Variants in AGBL1 observed in about 807,000 individuals in gnomAD.
AGBL1 encodes the protein AGBL carboxypeptidase 1.
A neutral mutation model predicts 118.9 loss-of-function variants in AGBL1; 130 were observed. That is an observed-to-expected ratio of 1.09 (90% confidence interval 0.95 to 1.26). The LOEUF is 1.26. Ranked by LOEUF, AGBL1 falls within the 50% of genes most tolerant of loss-of-function variation. The pLI, the probability that AGBL1 is intolerant of heterozygous loss-of-function variation, is 0.00. For missense variants in AGBL1, 1,584 were observed against 1,298.1 expected, an observed-to-expected ratio of 1.22 and a Z score of -3.38; for synonymous variants, 555 against 478.9, an observed-to-expected ratio of 1.16 and a Z score of -2.08.
intron 21 of AGBL1, among the ~76,000 whole-genome samples, chr15:86,649,031 A>G (rs1374938208): frequency 6.6e-6 from 1 of 152,150 alleles, no homozygotes; most frequent in Non-Finnish European, 1.5e-5. Context: ...GAGAAATGAT[A>G]CCATGTTTGA....
At chr15:86,627,744 G>A (rs1055759679) in intron 21 of AGBL1, among the ~76,000 whole-genome samples, 6 of 152,216 alleles carry the variant, frequency 3.9e-5, no homozygotes, top group Non-Finnish European at 5.9e-5. Flanking sequence ...GGAAGGAAGA[G>A]AGAGTTCCTT....
At chr15:86,887,239 A>G (rs987111777) in intron 22 of AGBL1, among the ~76,000 whole-genome samples, 13 of 152,272 alleles carry the variant, frequency 8.5e-5, no homozygotes, top group Middle Eastern at 6.8e-3. Flanking sequence ...ATCTATGCAT[A>G]TATCTATTTA....
At chr15:86,837,038 G>A (rs1386857234) in intron 22 of AGBL1, among the ~76,000 whole-genome samples, 2 of 152,014 alleles carry the variant, frequency 1.3e-5, no homozygotes, top group African/African-American at 2.4e-5. Context: ...CCTAGAAAAG[G>A]GCTTGGAAGA....
At chr15:86,470,054 C>T (rs2082459362) in intron 18 of AGBL1, among the ~76,000 whole-genome samples, 1 of 152,152 alleles carries the variant, frequency 6.6e-6, no homozygotes, top group South Asian at 2.1e-4. Flanking sequence ...GTTTCCTCTG[C>T]TGTGCAGAAG....
chr15:86,823,331 C>A (rs2078966776), intron 22 of AGBL1, among the ~76,000 whole-genome samples: 1 of 152,140 alleles, frequency 6.6e-6, no homozygotes, highest in South Asian at 2.1e-4. Flanking sequence ...CTTTAATCCC[C>A]AAATTCTCTT....
intron 21 of AGBL1, among the ~76,000 whole-genome samples, chr15:86,596,883 T>C (rs2084415363): frequency 6.8e-6 from 1 of 147,998 alleles, no homozygotes; most frequent in East Asian, 1.9e-4. Flanking sequence ...ATATTTATTA[T>C]TTATTGCCTG....
chr15:86,491,571 G>A (rs772101947), intron 18 of AGBL1, among the ~76,000 whole-genome samples: 3 of 152,064 alleles, frequency 2.0e-5, no homozygotes, highest in Non-Finnish European at 4.4e-5. Context: ...AATTCTTACA[G>A]CTTCCAGGAA....
intron 22 of AGBL1, among the ~76,000 whole-genome samples, chr15:86,783,176 C>G (rs912303151): frequency 6.6e-6 from 1 of 152,220 alleles, no homozygotes; most frequent in Non-Finnish European, 1.5e-5. Context: ...CCCCTGCTTT[C>G]CATGTCCCCG....
intron 22 of AGBL1, among the ~76,000 whole-genome samples, chr15:86,795,799 T>C (rs1299064398): frequency 6.6e-6 from 1 of 151,560 alleles, no homozygotes; most frequent in Non-Finnish European, 1.5e-5. Flanking sequence ...TTGGCCAGGC[T>C]GGTCTTAAAC....
At chr15:86,183,730 C>T (rs769772988) in intron 5 of AGBL1, among the ~76,000 whole-genome samples, 3 of 152,156 alleles carry the variant, frequency 2.0e-5, no homozygotes, top group Non-Finnish European at 4.4e-5. Flanking sequence ...AATAAAATCA[C>T]ATTTTATGTG....
At chr15:86,711,808 A>G (rs560391851) in intron 22 of AGBL1, among the ~76,000 whole-genome samples, 12 of 152,330 alleles carry the variant, frequency 7.9e-5, no homozygotes, top group Non-Finnish European at 1.5e-4. Context: ...AATATTTACT[A>G]TCTGGCACTT....
At chr15:86,219,498 A>C (rs2141912941) in intron 5 of AGBL1, among the ~76,000 whole-genome samples, 1 of 152,328 alleles carries the variant, frequency 6.6e-6, no homozygotes. Flanking sequence ...AGAGAGATCA[A>C]GTAAACCCAG....
intron 21 of AGBL1, among the ~76,000 whole-genome samples, chr15:86,674,002 C>CAT (rs959305316): frequency 6.6e-6 from 1 of 152,062 alleles, no homozygotes; most frequent in African/African-American, 2.4e-5. Flanking sequence ...CCTGGATCTC[C>CAT]ATATATCCCC....
intron 23 of AGBL1, among the ~76,000 whole-genome samples, chr15:86,929,313 C>T (rs2080579618): frequency 6.6e-6 from 1 of 152,152 alleles, no homozygotes. Flanking sequence ...AAGGTCTGCC[C>T]TTTGTGGCTC....
At chr15:86,304,418 GT>G (rs1478360381) in intron 17 of AGBL1, among the ~76,000 whole-genome samples, 1 of 152,078 alleles carries the variant, frequency 6.6e-6, no homozygotes, top group African/African-American at 2.4e-5. Context: ...ATCTAATGTT[GT>G]TCCCCTACTC....
chr15:86,359,958 T>C (rs1026973120), intron 17 of AGBL1, among the ~76,000 whole-genome samples: 1 of 152,022 alleles, frequency 6.6e-6, no homozygotes, highest in African/African-American at 2.4e-5. Context: ...TTTAGGGTTT[T>C]CTACATATAT....
At chr15:86,840,203 GGTT>G (rs1567201183) in intron 22 of AGBL1, among the ~76,000 whole-genome samples, 1 of 152,102 alleles carries the variant, frequency 6.6e-6, no homozygotes, top group African/African-American at 2.4e-5. Context: ...ACAGAATTTT[GGTT>G]GTTGTTTTCT....
intron 24 of AGBL1, among the ~76,000 whole-genome samples, chr15:86,993,616 T>G (rs185698844): frequency 1.1e-3 from 170 of 152,314 alleles, no homozygotes; most frequent in African/African-American, 3.8e-3. Context: ...CTGCCTTTGT[T>G]GAAGTTCAGT....
At chr15:86,237,802 C>T (rs75587411) in intron 6 of AGBL1, among the ~76,000 whole-genome samples, 4,427 of 152,246 alleles carry the variant, frequency 0.029, 199 homozygotes, top group African/African-American at 0.094. Context: ...CAGATTCCCC[C>T]GCTTTTGCAC....
Sources: allele counts gnomAD v4.1 joint callset (sites outside exome capture counted in the v4.1 genomes callset), GRCh38; gene constraint gnomAD v4.1.1; transcripts MANE v1.5; gene names NCBI Gene and HGNC (gene_info 2026-07-23, HGNC 2026-07-21).